EVC: variants seen among roughly 807,000 people sequenced by gnomAD.
EVC encodes the protein evC complex member EVC.
Under a neutral mutation model 118.9 loss-of-function variants are expected in EVC, and 116 were observed. The ratio of observed to expected loss-of-function variants is 0.98; its 90% CI spans 0.84 to 1.14. The LOEUF (loss-of-function observed/expected upper bound fraction) is 1.14, where lower values mean the gene tolerates loss of function less well. Ranked by LOEUF, EVC falls within the 50% of genes most tolerant of loss-of-function variation. The pLI is 0.00. For missense variants in EVC, 1,401 were observed against 1,246.4 expected (o/e 1.12, Z -1.87); for synonymous variants, 619 against 534.7 (o/e 1.16, Z -2.18).
intron 15 of EVC, 150 bp from the exon 16 acceptor site, chr4:5,801,800 A>G (rs1160547872): frequency 2.5e-6 from 2 of 789,538 alleles, no homozygotes; most frequent in African/African-American, 3.4e-5. Flanking sequence ...TAAACCAGCC[A>G]TGCACTCTCT....
chr4:5,797,392 C>T (rs927099515), intron 14 of EVC, 160 bp downstream of exon 14: 9 of 680,498 alleles, frequency 1.3e-5, no homozygotes, highest in Non-Finnish European at 2.1e-5. Context: ...TCCCACAGAC[C>T]GGGCAGCTTA....
At chr4:5,713,418 C>G (rs956552530) in intron 1 of EVC, among the ~76,000 whole-genome samples, 2 of 152,218 alleles carry the variant, frequency 1.3e-5, no homozygotes, top group Non-Finnish European at 2.9e-5. Flanking sequence ...TGGCTCATGC[C>G]TGTCACCCCA....
chr4:5,783,550 A>G lies in EVC; in HGVS notation c.1564-2A>G, dbSNP rs1553886849. 1.9e-6 allele frequency: 3 copies of G among 1,613,978 alleles called. No individual in the cohort carries two copies. The highest frequency in any genetic ancestry group is 1.3e-5 in the African/African-American group (1 of 74,926). On this transcript the variant is annotated splice_acceptor_variant, in intron 11 of 20. Coordinates refer to ENST00000264956, the MANE Select transcript of EVC (RefSeq NM_153717.3). LOFTEE classifies it high-confidence loss of function. ...AACCCCATCTGTGGTTCTCCGCTCC[A>G]GGAGCTGTACTTCAGCACCGTGGAC...
the EVC span, chr4:5,824,958 T>G: frequency 4.1e-6 from 4 of 985,320 alleles, no homozygotes; most frequent in African/African-American, 7.0e-5. Context: ...GAGCACCAAG[T>G]CCTGGTATTT....
At position 5,749,830 on chromosome 4, in the gene EVC, G is replaced by A. The variant is rs558989678; in HGVS notation, c.1098+1524G>A. On this transcript the variant is annotated intron_variant, in intron 8 of 20. Coordinates refer to ENST00000264956, the MANE Select transcript of EVC (RefSeq NM_153717.3). This position sits in a 1 kb window ranked among gnomAD's most constrained non-coding sequence, Gnocchi z 4.4. ...ACCCGTGGGAAAGCCAAGCCTCAAC[G>A]GATCTTTGCCTCCCCTTGCACACCA... Among the ~76,000 whole-genome samples, 10 of 152,112 alleles carry A rather than the reference G, an allele frequency of 6.6e-5. No homozygotes were observed. Among genetic ancestry groups the A allele is most frequent in the Non-Finnish European group, 8.8e-5 (6 of 68,026 alleles).
Position 5,811,211 on chromosome 4 carries a change from C to T in EVC, c.*174C>T. ...GTGCCCTAAAAGCATAAATGAGTAT[C>T]ACCTGAGAAAATTAGGCATTCCCGT... is the stretch of plus-strand genomic sequence containing the variant. On this transcript the variant is annotated 3_prime_UTR_variant, in exon 21 of 21. Coordinates refer to ENST00000264956, the MANE Select transcript of EVC (RefSeq NM_153717.3). 1.6e-6 allele frequency: 1 copy of T among 618,844 alleles called. No homozygotes were observed. Among genetic ancestry groups the T allele is most frequent in the Non-Finnish European group, 2.9e-6 (1 of 347,060 alleles). The allele number at this position is 618,844 out of a possible 1,614,324, so 38.3% of individuals were successfully genotyped here.
chr4:5,822,972 T>C, the EVC span, among the ~76,000 whole-genome samples: 3 of 152,218 alleles, frequency 2.0e-5, no homozygotes, highest in African/African-American at 7.2e-5. Flanking sequence ...CTTGCTGACC[T>C]ACCCACTGTA....
chr4:5,739,899 C>CG (rs796872603), intron 5 of EVC, among the ~76,000 whole-genome samples: 1 of 120,574 alleles, frequency 8.3e-6, no homozygotes, highest in Non-Finnish European at 1.7e-5. Flanking sequence ...AACCCCATCT[C>CG]AAAAAAAAAA....
At chr4:5,734,722 C>T (rs1455982720) in intron 5 of EVC, among the ~76,000 whole-genome samples, 5 of 152,204 alleles carry the variant, frequency 3.3e-5, no homozygotes, top group Non-Finnish European at 5.9e-5. Flanking sequence ...TCTGTGTGAG[C>T]AGGACTGACT....
intron 11 of EVC, among the ~76,000 whole-genome samples, chr4:5,776,196 AAT>A (rs371438083): frequency 1.3e-3 from 195 of 152,260 alleles, no homozygotes; most frequent in African/African-American, 4.4e-3. Flanking sequence ...TTGATTTGGT[AAT>A]GTTATTAACT....
At chr4:5,758,619 A>G (rs537975309) in intron 11 of EVC, among the ~76,000 whole-genome samples, 2 of 152,286 alleles carry the variant, frequency 1.3e-5, no homozygotes, top group Non-Finnish European at 2.9e-5. Context: ...ACCAAGTTCT[A>G]ATCTTCCTCT....
At chr4:5,752,244 C>T (rs1292306661) in intron 8 of EVC, among the ~76,000 whole-genome samples, 3 of 152,164 alleles carry the variant, frequency 2.0e-5, no homozygotes, top group African/African-American at 7.2e-5. Context: ...GTGTGCAGGG[C>T]CCTTGGCTGC....
Position 5,754,543 on chromosome 4 carries a change from T to A in EVC, c.1464+610T>A, listed in dbSNP as rs1312414497. Among the ~76,000 whole-genome samples, 2 of 152,106 alleles carry A rather than the reference T, an allele frequency of 1.3e-5. No homozygotes were observed. Among genetic ancestry groups the A allele is most frequent in the Non-Finnish European group, 1.5e-5 (1 of 68,024 alleles). ...GCTCTAAGGACCTGGACTCGCCAGT[T>A]CTCAGAGAGACCACCGAGCTCTGGT... is the stretch of plus-strand genomic sequence containing the variant. On this transcript the variant is annotated intron_variant, in intron 10 of 20. Transcript: ENST00000264956. The surrounding 1 kb of genome is among the most constrained non-coding windows in gnomAD (Gnocchi z 5.8).
At chr4:5,772,249 C>G (rs1047778816) in intron 11 of EVC, among the ~76,000 whole-genome samples, 1 of 152,074 alleles carries the variant, frequency 6.6e-6, no homozygotes, top group African/African-American at 2.4e-5. Flanking sequence ...GTTTTCTTTG[C>G]AGAAGTACAA....
intron 11 of EVC, 38 bp from the exon 12 acceptor site, chr4:5,783,514 C>T: frequency 1.2e-6 from 2 of 1,600,774 alleles, no homozygotes; most frequent in South Asian, 2.2e-5. Flanking sequence ...CAGGGTCCTG[C>T]CGTGACCTGT....
chr4:5,713,760 A>C (rs1293633954), intron 1 of EVC, among the ~76,000 whole-genome samples: 1 of 147,866 alleles, frequency 6.8e-6, no homozygotes, highest in African/African-American at 2.5e-5. Context: ...AAAATTAGCC[A>C]GGTGTGGTGG....
chr4:5,825,194 A>G, the EVC span: 2 of 985,354 alleles, frequency 2.0e-6, no homozygotes, highest in Non-Finnish European at 2.4e-6. This position sits in a 1 kb window ranked among gnomAD's most constrained non-coding sequence, Gnocchi z 4.4. Context: ...CATGAGGAAG[A>G]GTGTGAAAGT....
chr4:5,803,852 C>T (rs1284582250), intron 16 of EVC, among the ~76,000 whole-genome samples: 1 of 152,068 alleles, frequency 6.6e-6, no homozygotes, highest in Non-Finnish European at 1.5e-5. Flanking sequence ...AAGAGGTAAT[C>T]CTATAGTTAG....
At chr4:5,730,637 T>A (rs995435264) in intron 3 of EVC, among the ~76,000 whole-genome samples, 2 of 151,018 alleles carry the variant, frequency 1.3e-5, no homozygotes, top group Non-Finnish European at 2.9e-5. Context: ...CAGTGCATGA[T>A]GAAATAGGCA....
Sources: gnomAD v4.1 joint callset for allele counts (sites outside exome capture counted in the v4.1 genomes callset) on GRCh38, gnomAD v4.1.1 for gene constraint, Gnocchi (gnomAD v3.1) non-coding constraint, MANE v1.5 for transcripts, NCBI Gene and HGNC (gene_info 2026-07-23, HGNC 2026-07-21) for gene names.